The following MAP1B variants were observed in gnomAD, a reference collection of about 807,000 sequenced individuals.
MAP1B encodes microtubule-associated protein 1B.
MAP1B carries 12 observed loss-of-function variants against 176.1 expected under a neutral mutation model. That is an observed-to-expected ratio of 0.07 (90% CI 0.04 to 0.11). The LOEUF is 0.11. Ranked by LOEUF, MAP1B falls within the 10% of genes least tolerant of loss-of-function variation. The probability of loss-of-function intolerance (pLI) is 1.00; values close to 1 mark genes in which losing one functional copy is unlikely to be tolerated. For synonymous variants in MAP1B, 1,044 were observed against 1,135.0 expected, an observed-to-expected ratio of 0.92 and a Z score of 1.61; for missense variants, 2,523 against 2,990.5, an observed-to-expected ratio of 0.84 and a Z score of 3.65.
At chr5:72,141,063 G>T (rs1745940063) in intron 2 of MAP1B, among the ~76,000 whole-genome samples, 1 of 152,158 alleles carries the variant, frequency 6.6e-6, no homozygotes. Flanking sequence ...TTTGGTGTCT[G>T]TGTCTTCTGG....
Position 72,142,651 on chromosome 5 carries a change from A to G in MAP1B, c.286+26852A>G, listed in dbSNP as rs188560007. 3.1e-4 allele frequency among the ~76,000 whole-genome samples: 47 copies of G among 152,302 alleles called. 1 individual carries two copies. In the East Asian group the frequency reaches 8.1e-3, roughly 26 times the overall value. ...GGCCTAAGTAAGGAGACATGAAATA[A>G]AAGAAAAAAGGGATTTTTTTTCAGG... On this transcript the variant is annotated intron_variant, in intron 2 of 6. Coordinates refer to ENST00000296755, the MANE Select transcript of MAP1B (RefSeq NM_005909.5).
intron 2 of MAP1B, among the ~76,000 whole-genome samples, chr5:72,120,617 G>A (rs192368395): frequency 6.6e-6 from 1 of 151,704 alleles, no homozygotes; most frequent in African/African-American, 2.4e-5. Context: ...TAGTAGAGAC[G>A]GGGTTTCACT....
intron 2 of MAP1B, among the ~76,000 whole-genome samples, chr5:72,129,048 G>A (rs1044386192): frequency 5.9e-5 from 9 of 152,314 alleles, no homozygotes; most frequent in Admixed American, 3.3e-4. Flanking sequence ...AAAGGTAAGA[G>A]AGATGAGAAG....
chr5:72,149,313 A>G (rs1746100452), intron 2 of MAP1B, among the ~76,000 whole-genome samples: 1 of 152,258 alleles, frequency 6.6e-6, no homozygotes. Flanking sequence ...CTTGGAAAGA[A>G]ATTTCCTGTT....
intron 2 of MAP1B, among the ~76,000 whole-genome samples, chr5:72,178,887 A>G (rs1746707528): frequency 6.6e-6 from 1 of 152,158 alleles, no homozygotes; most frequent in South Asian, 2.1e-4. Flanking sequence ...GTAGCAAAAC[A>G]TAAGCTACTA....
intron 5 of MAP1B, among the ~76,000 whole-genome samples, chr5:72,200,856 A>G (rs1039753092): frequency 6.6e-6 from 1 of 152,216 alleles, no homozygotes; most frequent in African/African-American, 2.4e-5. Flanking sequence ...TAAATTAAAA[A>G]TGTTTACATT....
At chr5:72,112,700 ACGGATGC>A (rs1464530247) in intron 1 of MAP1B, among the ~76,000 whole-genome samples, 1 of 152,164 alleles carries the variant, frequency 6.6e-6, no homozygotes, top group African/African-American at 2.4e-5. Flanking sequence ...CTCAGAGATG[ACGGATGC>A]CTTTTGGCTC....
At position 72,198,748 on chromosome 5, in the gene MAP1B, C is replaced by T. The variant is rs1161366329; in HGVS notation, c.5393C>T (p.Pro1798Leu). 1 of 1,614,196 alleles carries T rather than the reference C, an allele frequency of 6.2e-7. No homozygotes were observed. Among genetic ancestry groups the T allele is most frequent in the African/African-American group, 1.3e-5 (1 of 75,052 alleles). The change falls in exon 5 of 7, where the codon CCT (proline) becomes CTT (leucine). Residue 1798 changes from proline to leucine, a missense_variant. Around this residue, in one of 4 missense-constraint regions of MAP1B, gnomAD observed 1,925 missense variants for 2,126.0 expected, o/e 0.91. Transcript: ENST00000296755. The part of the protein sequence containing the change: ...TPRESSPLYS[P>L]TFSDSTSAVK... Reference sequence around the variant, plus strand: ...CGAGAGTCCTCTCCTTTATATTCACCTACTTTTTCAGATTCTACCTCTGCA... The same window carrying T: ...CGAGAGTCCTCTCCTTTATATTCACTTACTTTTTCAGATTCTACCTCTGCA...
chr5:72,121,337 T>C (rs75384168), intron 2 of MAP1B, among the ~76,000 whole-genome samples: 75 of 152,354 alleles, frequency 4.9e-4, no homozygotes, highest in African/African-American at 1.6e-3. Context: ...GTTTATTTTC[T>C]TAGCTGAATA....
intron 2 of MAP1B, among the ~76,000 whole-genome samples, chr5:72,177,239 C>T (rs1195808317): frequency 1.3e-5 from 2 of 152,170 alleles, no homozygotes; most frequent in African/African-American, 4.8e-5. Flanking sequence ...CTCCTGGACC[C>T]TCTCCGGAGC....
chr5:72,188,979 G>A (rs1321959276), intron 4 of MAP1B, among the ~76,000 whole-genome samples: 1 of 152,112 alleles, frequency 6.6e-6, no homozygotes, highest in Non-Finnish European at 1.5e-5. Flanking sequence ...GCCCATTGTT[G>A]CCTTGGAAAA....
chr5:72,195,870 G>A lies in MAP1B; in HGVS notation c.2515G>A (p.Asp839Asn). The stretch of plus-strand genomic sequence containing the variant: ...GTCATCTCCTGAGGATCTAACCAAG[G>A]ACTTTGAAGAGTTAAAGGCTGAAGA... ...LMSSPEDLTK[D>N]FEELKAEEVD... Residue 839 changes from aspartate to asparagine, a missense_variant, in exon 5 of 7, where the codon GAC (aspartate) becomes AAC (asparagine). Asp to Asn is a conservative substitution (Grantham distance 23). Around this residue, in one of 4 missense-constraint regions of MAP1B, gnomAD observed 1,925 missense variants for 2,126.0 expected, o/e 0.91. Coordinates refer to ENST00000296755, the MANE Select transcript of MAP1B (RefSeq NM_005909.5). 6.2e-7 allele frequency: 1 copy of A among 1,614,232 alleles called. No individual in the cohort carries two copies. The highest frequency in any genetic ancestry group is 8.5e-7 in the Non-Finnish European group (1 of 1,180,048).
chr5:72,107,635 G>C lies in MAP1B; in HGVS notation c.104G>C (p.Ser35Thr), dbSNP rs755590921. Residue 35 changes from serine (S) to threonine (T), a missense_variant, in exon 1 of 7, where the codon AGC (serine) becomes ACC (threonine). By Grantham distance (58) the Ser-to-Thr change is moderately conservative. Transcript: ENST00000296755. ...AGCCTGTCGCACCGCTTCCTTGACA[G>C]CAAGTTCTACTTGCTGGTGGTCGTC... ...SPSLSHRFLD[S>T]KFYLLVVVGE... The C allele has an allele frequency of 3.1e-6, 5 of 1,600,390 alleles. No individual in the cohort carries two copies. Among genetic ancestry groups the C allele is most frequent in the Non-Finnish European group, 8.5e-7 (1 of 1,179,582 alleles).
In MAP1B at chr5:72,157,235, G is replaced by C. The variant is rs189824150; in HGVS notation, c.287-26508G>C. ...AAGATGTTGTTTTTCACTCAGTTTG[G>C]AATGAGAGGGTAATGTTTGTAGAAA... On this transcript the variant is annotated intron_variant, in intron 2 of 6. Transcript: ENST00000296755. 2.5e-4 allele frequency among the ~76,000 whole-genome samples: 38 copies of C among 152,226 alleles called. No individual in the cohort carries two copies. In the East Asian group the frequency reaches 6.4e-3, roughly 26 times the overall value.
chr5:72,134,609 A>G (rs150608113), intron 2 of MAP1B, among the ~76,000 whole-genome samples: 87 of 152,242 alleles, frequency 5.7e-4, no homozygotes, highest in Non-Finnish European at 4.3e-4. Flanking sequence ...TTGAAAACGT[A>G]GAAGCAGGCA....
At position 72,199,907 on chromosome 5, in the gene MAP1B, G is replaced by A. The variant is rs771765179; in HGVS notation, c.6552G>A (p.Ser2184=). ...CCAATATCGACTCTGAAGACGAGTC[G>A]GAAACCATCCCCACAGACAAAACTG... ...ADANIDSEDE[S]ETIPTDKTVT... is the part of the protein sequence containing the mutation. The change falls in exon 5 of 7, where the codon TCG becomes TCA. Residue 2184 remains serine (S), a synonymous_variant. Transcript: ENST00000296755. The surrounding 1 kb of genome is among the most constrained non-coding windows in gnomAD (Gnocchi z 4.2). 17 of 1,613,928 alleles carry A rather than the reference G, an allele frequency of 1.1e-5. No homozygotes were observed. The highest frequency in any genetic ancestry group is 6.7e-5 in the Admixed American group (4 of 59,992).
In MAP1B at chr5:72,198,731, C is replaced by A; in HGVS notation, c.5376C>A (p.Ser1792=). Reference sequence around the variant, plus strand: ...TCTCTCCACTCACCCCACGAGAGTCCTCTCCTTTATATTCACCTACTTTTT... The same window carrying A: ...TCTCTCCACTCACCCCACGAGAGTCATCTCCTTTATATTCACCTACTTTTT... ...SDISPLTPRE[S]SPLYSPTFSD... is the part of the protein sequence containing the mutation. The change falls in exon 5 of 7, where the codon TCC becomes TCA. Residue 1792 remains serine, a synonymous_variant. Transcript: ENST00000296755. The A allele has an allele frequency of 6.2e-7, 1 of 1,614,176 alleles. No individual in the cohort carries two copies.
chr5:72,197,105 G>A lies in MAP1B; in HGVS notation c.3750G>A (p.Lys1250=), dbSNP rs1317540924. The part of the protein sequence containing the change: ...KDSISAVSSE[K]VSPSKSPSLS... ...GCATCTCAGCTGTTTCAAGTGAAAA[G>A]GTCAGCCCATCGAAGAGCCCGTCCC... Residue 1250 remains lysine, a synonymous_variant, in exon 5 of 7, where the codon AAG becomes AAA. Coordinates refer to ENST00000296755, the MANE Select transcript of MAP1B (RefSeq NM_005909.5). 1 of 1,614,078 alleles carries A rather than the reference G, an allele frequency of 6.2e-7. No individual in the cohort carries two copies. Among genetic ancestry groups the A allele is most frequent in the African/African-American group, 1.3e-5 (1 of 74,920 alleles).
intron 3 of MAP1B, among the ~76,000 whole-genome samples, chr5:72,184,785 G>A (rs1252679155): frequency 6.6e-6 from 1 of 152,200 alleles, no homozygotes; most frequent in Admixed American, 6.5e-5. Context: ...CACACTTTGA[G>A]CATCTCTGTG....
Sources: allele counts gnomAD v4.1 joint callset (sites outside exome capture counted in the v4.1 genomes callset), GRCh38; gene constraint gnomAD v4.1.1; regional missense constraint gnomAD v4.1.1; non-coding constraint Gnocchi (gnomAD v3.1); transcripts MANE v1.5; gene names NCBI Gene and HGNC (gene_info 2026-07-23, HGNC 2026-07-21).